The following ERCC8 variants were observed in gnomAD, a reference collection of about 807,000 sequenced individuals.
ERCC8 encodes the protein ERCC excision repair 8, CSA ubiquitin ligase complex subunit, also known as DNA excision repair protein ERCC-8.
A neutral mutation model predicts 54.9 loss-of-function variants in ERCC8; 52 were observed. That is an observed-to-expected ratio of 0.95 (90% confidence interval 0.76 to 1.19). The LOEUF (loss-of-function observed/expected upper bound fraction) is 1.19. Among genes scored for constraint, ERCC8 ranks in the 50% most tolerant of loss-of-function variants. The pLI, the probability that ERCC8 is intolerant of heterozygous loss-of-function variation, is 0.00. For missense variants in ERCC8, 514 were observed against 466.1 expected, an observed-to-expected ratio of 1.10 and a Z score of -0.95; for synonymous variants, 146 against 157.2, an observed-to-expected ratio of 0.93 and a Z score of 0.53.
chr5:60,890,840 T>C, intron 10 of ERCC8, 49 bp downstream of exon 10: 1 of 1,326,996 alleles, frequency 7.5e-7, no homozygotes, highest in Non-Finnish European at 1.1e-6. Flanking sequence ...ATATAACTGG[T>C]CTGGCAAGCT....
intron 4 of ERCC8, among the ~76,000 whole-genome samples, chr5:60,913,423 G>C (rs1749333326): frequency 1.3e-5 from 2 of 152,040 alleles, no homozygotes; most frequent in East Asian, 3.8e-4. Flanking sequence ...GTATTTCTGT[G>C]GGATTGGTGG....
At chr5:60,918,509 T>G in intron 3 of ERCC8, 121 bp from the exon 4 acceptor site, 1 of 805,392 alleles carries the variant, frequency 1.2e-6, no homozygotes, top group Non-Finnish European at 2.1e-6. Flanking sequence ...CGAGATCACA[T>G]GCCTGTGTCC....
chr5:60,880,937 G>A (rs1279182915), intron 11 of ERCC8, among the ~76,000 whole-genome samples: 1 of 152,156 alleles, frequency 6.6e-6, no homozygotes, highest in African/African-American at 2.4e-5. Context: ...GAGGAGAGGT[G>A]CTCTGACTTT....
intron 9 of ERCC8, chr5:60,893,059 C>G (rs1287884872): frequency 1.3e-6 from 1 of 779,138 alleles, no homozygotes; most frequent in African/African-American, 1.7e-5. Context: ...TTCACAACCT[C>G]CTTGGGGTCC....
rs917214520 is a variant in ERCC8, at chr5:60,872,422, C to T, written c.*2193G>A. ...ATAGATCTGATAGGGGGTTAATATC[C>T]AAAATACATAAGGAACTCAATAGCA... On this transcript the variant is annotated 3_prime_UTR_variant, in exon 12 of 12. Coordinates refer to ENST00000676185, the MANE Select transcript of ERCC8 (RefSeq NM_000082.4). Among the ~76,000 whole-genome samples, 2 of 151,880 alleles carry T rather than the reference C, an allele frequency of 1.3e-5. No homozygotes were observed. Among genetic ancestry groups the T allele is most frequent in the Non-Finnish European group, 2.9e-5 (2 of 67,982 alleles).
chr5:60,881,728 G>A (rs1195907517), intron 11 of ERCC8, among the ~76,000 whole-genome samples: 1 of 152,168 alleles, frequency 6.6e-6, no homozygotes, highest in African/African-American at 2.4e-5. Flanking sequence ...ATTAGGGTGG[G>A]AGTGACCCGA....
intron 1 of ERCC8, among the ~76,000 whole-genome samples, chr5:60,941,116 G>T (rs1750244753): frequency 6.6e-6 from 1 of 152,014 alleles, no homozygotes; most frequent in Non-Finnish European, 1.5e-5. Flanking sequence ...AGGAGTTCAG[G>T]ACCAGCCTGG....
intron 1 of ERCC8, among the ~76,000 whole-genome samples, chr5:60,930,449 T>TG (rs1749875349): frequency 6.6e-6 from 1 of 152,004 alleles, no homozygotes; most frequent in Non-Finnish European, 1.5e-5. Flanking sequence ...CCCAGCTACT[T>TG]GGGAGGCTGA....
intron 1 of ERCC8, among the ~76,000 whole-genome samples, chr5:60,940,908 C>T (rs1318619788): frequency 3.9e-5 from 6 of 152,074 alleles, no homozygotes; most frequent in Admixed American, 3.9e-4. Context: ...TATAAAGAAC[C>T]GTGAAAATTT....
At chr5:60,905,965 G>A (rs2112496858) in intron 4 of ERCC8, among the ~76,000 whole-genome samples, 1 of 152,242 alleles carries the variant, frequency 6.6e-6, no homozygotes, top group Non-Finnish European at 1.5e-5. Context: ...TGTGCACTAA[G>A]CCACTTCTGG....
In ERCC8 at chr5:60,875,479, A is replaced by C. The variant is rs1025865005; in HGVS notation, c.1123-796T>G. On this transcript the variant is annotated intron_variant, in intron 11 of 11. Transcript: ENST00000676185. Reference sequence around the variant, plus strand: ...TTCAAATCAGTTCATTTTGGGGAAAACTTCTGAATAGCTACTTCTGATACT... The same window carrying C: ...TTCAAATCAGTTCATTTTGGGGAAACCTTCTGAATAGCTACTTCTGATACT... Among the ~76,000 whole-genome samples the C allele has an allele frequency of 1.4e-4, 21 of 152,276 alleles. No individual in the cohort carries two copies. In the East Asian group the frequency reaches 3.9e-3, roughly 28 times the overall value.
chr5:60,892,321 G>A, intron 9 of ERCC8: 1 of 557,804 alleles, frequency 1.8e-6, no homozygotes. Flanking sequence ...GTGGGTCTGT[G>A]TCACCCAATA....
At position 60,931,470 on chromosome 5, in the gene ERCC8, C is replaced by T. The variant is rs929795126; in HGVS notation, c.78-2511G>A. 3.9e-5 allele frequency among the ~76,000 whole-genome samples: 6 copies of T among 152,094 alleles called. 1 individual carries two copies. Among genetic ancestry groups the T allele is most frequent in the Admixed American group, 6.5e-5 (1 of 15,268 alleles). On this transcript the variant is annotated intron_variant, in intron 1 of 11. Transcript: ENST00000676185. Reference sequence around the variant, plus strand: ...TACAATTGCATGTTACCACACCTGGCTAAGTTTTGGTATTTTTTTGCAGAG... The same window carrying T: ...TACAATTGCATGTTACCACACCTGGTTAAGTTTTGGTATTTTTTTGCAGAG...
At chr5:60,893,011 C>A in intron 9 of ERCC8, 1 of 779,296 alleles carries the variant, frequency 1.3e-6, no homozygotes, top group Non-Finnish European at 2.4e-6. Context: ...GCCTTGAAAG[C>A]CACAGTTGGC....
rs1237578158 is a variant in ERCC8 at position 60,867,533 on chromosome 5, G to A, written c.*7082C>T. 2.6e-5 allele frequency among the ~76,000 whole-genome samples: 4 copies of A among 152,082 alleles called. No homozygotes were observed. Among genetic ancestry groups the A allele is most frequent in the Non-Finnish European group, 5.9e-5 (4 of 68,024 alleles). On this transcript the variant is annotated 3_prime_UTR_variant, in exon 12 of 12. Coordinates refer to ENST00000676185, the MANE Select transcript of ERCC8 (RefSeq NM_000082.4). ...CTTTTTCCATAATACTCTGAATTTT[G>A]CATATATATGTAAGAAACCATTAGA... is the stretch of plus-strand genomic sequence containing the variant.
chr5:60,904,681 T>C (rs1167071845), intron 5 of ERCC8, 111 bp downstream of exon 5: 17 of 222,698 alleles, frequency 7.6e-5, no homozygotes, highest in South Asian at 1.5e-4. Context: ...TATATATATA[T>C]ATAAAATTGT....
intron 11 of ERCC8, among the ~76,000 whole-genome samples, chr5:60,880,213 T>C (rs1748164571): frequency 6.6e-6 from 1 of 152,216 alleles, no homozygotes; most frequent in African/African-American, 2.4e-5. Flanking sequence ...TTCTGGCTTG[T>C]AGAGTTTCTG....
At chr5:60,894,077 C>T (rs1203660404) in intron 9 of ERCC8, among the ~76,000 whole-genome samples, 5 of 151,444 alleles carry the variant, frequency 3.3e-5, no homozygotes, top group South Asian at 2.1e-4. Context: ...CTCCGCCTCC[C>T]GGGTTCACGC....
At chr5:60,919,254 G>C (rs1310632350) in intron 3 of ERCC8, 2 of 152,012 alleles carry the variant, frequency 1.3e-5, no homozygotes, top group African/African-American at 4.8e-5. Context: ...ATAATTATGA[G>C]GGTGGATGGG....
Sources: gnomAD v4.1 joint callset for allele counts (sites outside exome capture counted in the v4.1 genomes callset) on GRCh38, gnomAD v4.1.1 for gene constraint, MANE v1.5 for transcripts, NCBI Gene and HGNC (gene_info 2026-07-23, HGNC 2026-07-21) for gene names.